NTNG2: variants seen among roughly 807,000 people sequenced by gnomAD.
NTNG2 encodes netrin G2, also known as netrin-G2.
NTNG2 carries 15 observed loss-of-function variants against 47.6 expected under a neutral mutation model. The observed-to-expected ratio is 0.32, with a 90% CI of 0.21 to 0.49. The LOEUF (loss-of-function observed/expected upper bound fraction) is 0.49, where lower values mean the gene tolerates loss of function less well. Among genes scored for constraint, NTNG2 ranks in the 20% least tolerant of loss-of-function variants. The pLI, the probability that NTNG2 is intolerant of heterozygous loss-of-function variation, is 0.99. For missense variants in NTNG2, 578 were observed against 764.6 expected, an observed-to-expected ratio of 0.76 and a Z score of 2.88; for synonymous variants, 307 against 324.6, an observed-to-expected ratio of 0.95 and a Z score of 0.58.
At chr9:132,169,726 G>C (rs950445350) in intron 2 of NTNG2, among the ~76,000 whole-genome samples, 25 of 152,346 alleles carry the variant, frequency 1.6e-4, no homozygotes, top group African/African-American at 6.0e-4. Context: ...GGACGGCACA[G>C]CCCGGCCGTG....
chr9:132,207,879 G>A (rs777331301), intron 3 of NTNG2, among the ~76,000 whole-genome samples: 1 of 152,204 alleles, frequency 6.6e-6, no homozygotes, highest in Non-Finnish European at 1.5e-5. Context: ...TGAGGCTGGC[G>A]GATTGCTTGA....
chr9:132,219,367 G>GT (rs1008628135), intron 3 of NTNG2, among the ~76,000 whole-genome samples: 2 of 152,092 alleles, frequency 1.3e-5, no homozygotes, highest in African/African-American at 4.8e-5. Flanking sequence ...GAGGTCAGGA[G>GT]TTTAAGATTA....
In NTNG2 at chr9:132,242,406, T is replaced by TC. The variant is rs1842047462; in HGVS notation, c.*296dup. On this transcript the variant is annotated 3_prime_UTR_variant, in exon 8 of 8. Coordinates refer to ENST00000393229, the MANE Select transcript of NTNG2 (RefSeq NM_032536.4). This position sits in a 1 kb window ranked among gnomAD's most constrained non-coding sequence, Gnocchi z 5.9. Reference sequence around the variant, plus strand: ...CTCTCTCTCTTTTTTTTTTTTTTTTTCTGGCGGTGAGCCAGAGGGTCGGGA... The same window carrying TC: ...CTCTCTCTCTTTTTTTTTTTTTTTTTCCTGGCGGTGAGCCAGAGGGTCGGGA... 1 of 141,256 alleles carries TC rather than the reference T, an allele frequency of 7.1e-6. No individual in the cohort carries two copies. Among genetic ancestry groups the TC allele is most frequent in the Non-Finnish European group, 1.5e-5 (1 of 67,230 alleles). The allele number at this position is 141,256 out of a possible 1,614,324, so 8.8% of individuals were successfully genotyped here. A position where few individuals can be genotyped will look rare whatever the true frequency, so the allele number is the denominator to read the frequency against.
At chr9:132,186,696 A>C (rs925615492) in intron 2 of NTNG2, among the ~76,000 whole-genome samples, 1 of 152,262 alleles carries the variant, frequency 6.6e-6, no homozygotes, top group African/African-American at 2.4e-5. Flanking sequence ...AATTGGTGTA[A>C]GAAGACTAAG....
At chr9:132,189,473 G>A (rs557014694) in intron 2 of NTNG2, among the ~76,000 whole-genome samples, 2 of 152,042 alleles carry the variant, frequency 1.3e-5, no homozygotes, top group African/African-American at 4.8e-5. Context: ...TGTGTGTCCA[G>A]GTCCCTCTCT....
At position 132,237,400 on chromosome 9, in the gene NTNG2, C is replaced by A. The variant is rs533793067; in HGVS notation, c.1055-1704C>A. Among the ~76,000 whole-genome samples the A allele has an allele frequency of 2.6e-5, 4 of 152,312 alleles. No individual in the cohort carries two copies. In the South Asian group the frequency reaches 8.3e-4, roughly 32 times the overall value. On this transcript the variant is annotated intron_variant, in intron 5 of 7. Transcript: ENST00000393229. ...AGTGGGACCATGACAGACGAAAGAACCTGTTTCTCATCTCTCCAAGCTGTG... is the reference window on the plus strand; with the variant it reads ...AGTGGGACCATGACAGACGAAAGAAACTGTTTCTCATCTCTCCAAGCTGTG...
At chr9:132,195,185 C>T (rs1261776262) in intron 2 of NTNG2, among the ~76,000 whole-genome samples, 1 of 152,170 alleles carries the variant, frequency 6.6e-6, no homozygotes, top group Admixed American at 6.5e-5. Context: ...GCAGATAGTA[C>T]AGAAAGTACC....
intron 2 of NTNG2, among the ~76,000 whole-genome samples, chr9:132,181,541 C>T (rs1043514729): frequency 7.9e-5 from 12 of 152,136 alleles, no homozygotes; most frequent in Admixed American, 2.0e-4. Context: ...GGCTGATCTC[C>T]TGACCTTAAG....
chr9:132,238,967 G>C (rs546187377), intron 5 of NTNG2, 137 bp from the exon 6 acceptor site: 7 of 853,172 alleles, frequency 8.2e-6, no homozygotes, highest in Non-Finnish European at 1.4e-5. Context: ...GGGAGGCCTA[G>C]GGCACCTTCC....
chr9:132,240,982 G>A lies in NTNG2; in HGVS notation c.1295G>A (p.Gly432Asp), dbSNP rs753447042. Residue 432 changes from glycine (G) to aspartate (D), a missense_variant, in exon 7 of 8, where the codon GGC (glycine) becomes GAC (aspartate). Physicochemically the swap from Gly to Asp is moderately conservative, Grantham distance 94 (BLOSUM62 -1). Transcript: ENST00000393229. Reference protein sequence around the residue: ...NETGFCECREGAAGPKCDDCL... With the variant: ...NETGFCECREDAAGPKCDDCL... ...ACCGGCTTCTGCGAGTGCCGCGAGG[G>A]CGCGGCGGGCCCCAAGTGCGACGAC... 5 of 1,611,230 alleles carry A rather than the reference G, an allele frequency of 3.1e-6. No homozygotes were observed. The highest frequency in any genetic ancestry group is 4.2e-6 in the Non-Finnish European group (5 of 1,179,582).
intron 3 of NTNG2, among the ~76,000 whole-genome samples, chr9:132,219,601 GA>G: frequency 1.3e-5 from 2 of 149,512 alleles, no homozygotes; most frequent in Admixed American, 6.7e-5. Context: ...AAGAAAGAAA[GA>G]AAGAAATTAT....
Position 132,195,863 on chromosome 9 carries a change from C to T in NTNG2, c.214-2103C>T, listed in dbSNP as rs574837705. On this transcript the variant is annotated intron_variant, in intron 2 of 7. Coordinates refer to ENST00000393229, the MANE Select transcript of NTNG2 (RefSeq NM_032536.4). ...CCTAGGCTGATCTTGAACTCCTGGC[C>T]TCAAGTGATCCTCCCACTTCTGCCC... Among the ~76,000 whole-genome samples the T allele has an allele frequency of 2.0e-5, 3 of 151,934 alleles. No individual in the cohort carries two copies. The South Asian group carries it at 6.2e-4, about 32-fold the overall frequency.
chr9:132,205,006 C>A lies in NTNG2; in HGVS notation c.857+6397C>A, dbSNP rs1839060579. Among the ~76,000 whole-genome samples the A allele has an allele frequency of 2.0e-5, 3 of 152,170 alleles. No homozygotes were observed. In the South Asian group the frequency reaches 6.2e-4, roughly 32 times the overall value. ...TGGCAAGGATGTGGAAAAATCGGAA[C>A]CTTCATGCATTGCTGGTGGGAACAA... On this transcript the variant is annotated intron_variant, in intron 3 of 7. Transcript: ENST00000393229.
At chr9:132,235,166 G>A (rs1334196370) in intron 5 of NTNG2, among the ~76,000 whole-genome samples, 1 of 152,310 alleles carries the variant, frequency 6.6e-6, no homozygotes, top group Non-Finnish European at 1.5e-5. Context: ...GCTGGGGAAG[G>A]CTCCGGTCCC....
At chr9:132,189,759 C>T (rs991500827) in intron 2 of NTNG2, among the ~76,000 whole-genome samples, 1 of 152,058 alleles carries the variant, frequency 6.6e-6, no homozygotes, top group Non-Finnish European at 1.5e-5. Flanking sequence ...CGTGCCTCAG[C>T]CTCCTGAGTA....
intron 1 of NTNG2, among the ~76,000 whole-genome samples, chr9:132,165,009 A>G (rs1835407495): frequency 6.6e-6 from 1 of 152,250 alleles, no homozygotes; most frequent in African/African-American, 2.4e-5. Flanking sequence ...CCTTGCAAGT[A>G]CAGGAGGTGA....
chr9:132,238,926 GC>G, intron 5 of NTNG2, 177 bp from the exon 6 acceptor site: 1 of 686,812 alleles, frequency 1.5e-6, no homozygotes, highest in Non-Finnish European at 2.6e-6. Flanking sequence ...AAGCAGGGAG[GC>G]CTCTCTCTTC....
chr9:132,226,756 T>C lies in NTNG2; in HGVS notation c.858-93T>C. 1 of 1,203,094 alleles carries C rather than the reference T, an allele frequency of 8.3e-7. No homozygotes were observed. Among genetic ancestry groups the C allele is most frequent in the Non-Finnish European group, 1.1e-6 (1 of 883,924 alleles). The allele number at this position is 1,203,094 out of a possible 1,614,324, so 74.5% of individuals were successfully genotyped here. A position where few individuals can be genotyped will look rare whatever the true frequency, so the allele number is the denominator to read the frequency against. ...CTTCCTGGGCAGCCCAACACCCTCC[T>C]GGGCCCCTCCTGGGAGGCGCTCCTT... is the stretch of plus-strand genomic sequence containing the variant. On this transcript the variant is annotated intron_variant, in intron 3 of 7. Transcript: ENST00000393229. This position sits in a 1 kb window ranked among gnomAD's most constrained non-coding sequence, Gnocchi z 4.8.
intron 2 of NTNG2, among the ~76,000 whole-genome samples, chr9:132,177,475 T>G (rs556309564): frequency 1.3e-5 from 2 of 152,364 alleles, no homozygotes; most frequent in East Asian, 3.9e-4. Flanking sequence ...AATTTTTGTA[T>G]CTGGTGTAAG....
Sources: gnomAD v4.1 joint callset for allele counts (sites outside exome capture counted in the v4.1 genomes callset) on GRCh38, gnomAD v4.1.1 for gene constraint, Gnocchi (gnomAD v3.1) non-coding constraint, MANE v1.5 for transcripts, NCBI Gene and HGNC (gene_info 2026-07-23, HGNC 2026-07-21) for gene names.